The following SNRPD3 variants were observed in gnomAD, a reference collection of about 807,000 sequenced individuals.
The protein encoded by SNRPD3 is small nuclear ribonucleoprotein Sm D3.
For missense variants in SNRPD3, 73 were observed against 167.5 expected (o/e 0.44, Z 3.11); for synonymous variants, 66 against 58.4 (o/e 1.13, Z -0.59).
chr22:24,568,618 C>T (rs913604728), intron 3 of SNRPD3, among the ~76,000 whole-genome samples: 6 of 151,006 alleles, frequency 4.0e-5, no homozygotes, highest in African/African-American at 7.3e-5. Flanking sequence ...AGTGCAGTGG[C>T]GTGATCTCGG....
At chr22:24,569,014 C>T (rs964344750) in intron 3 of SNRPD3, among the ~76,000 whole-genome samples, 39 of 152,240 alleles carry the variant, frequency 2.6e-4, no homozygotes, top group African/African-American at 8.9e-4. Context: ...TGGAGAGGCC[C>T]ATCTTTTCTA....
intron 2 of SNRPD3, among the ~76,000 whole-genome samples, chr22:24,567,221 G>A (rs1323779466): frequency 6.6e-6 from 1 of 152,192 alleles, no homozygotes; most frequent in Non-Finnish European, 1.5e-5. Context: ...GACCTTCATG[G>A]TGCCTTTGAA....
Position 24,563,272 on chromosome 22 carries a change from A to G in SNRPD3, c.127-4712A>G, listed in dbSNP as rs796645558. 7.3e-4 allele frequency among the ~76,000 whole-genome samples: 43 copies of G among 59,116 alleles called. 1 individual carries two copies. The highest frequency in any genetic ancestry group is 2.4e-3 in the African/African-American group (39 of 16,200). 38.8% of individuals were successfully genotyped at this position (59,116 alleles called of 152,430 possible). Reference sequence around the variant, plus strand: ...TGTGTATGTATGTATATATGTATGTATATATATGTGTGTGTGTGTGTATAT... The same window carrying G: ...TGTGTATGTATGTATATATGTATGTGTATATATGTGTGTGTGTGTGTATAT... On this transcript the variant is annotated intron_variant, in intron 2 of 3. Transcript: ENST00000215829.
intron 3 of SNRPD3, 140 bp downstream of exon 3, chr22:24,568,316 T>C: frequency 1.6e-6 from 1 of 614,340 alleles, no homozygotes; most frequent in Non-Finnish European, 2.9e-6. Flanking sequence ...CCCCTTCCCC[T>C]TGCAGCGTGG....
chr22:24,557,381 C>T (rs2298389), intron 1 of SNRPD3, among the ~76,000 whole-genome samples: 141,937 of 152,262 alleles, frequency 0.93, 66,598 homozygotes, highest in Non-Finnish European at 0.99. Flanking sequence ...CATAGGGTAG[C>T]GGGGACACAT....
rs1434075899 is a variant in SNRPD3, at chr22:24,574,329, C to CA, written c.*2353dup. ...AACCTAAAATATGTAGCTTTGTAAACAGTTTTATATCCTGCATCTTAGGGG... is the reference window on the plus strand; with the variant it reads ...AACCTAAAATATGTAGCTTTGTAAACAAGTTTTATATCCTGCATCTTAGGGG... On this transcript the variant is annotated 3_prime_UTR_variant, in exon 4 of 4. Transcript: ENST00000215829. 6.6e-6 allele frequency among the ~76,000 whole-genome samples: 1 copy of CA among 152,144 alleles called. No homozygotes were observed. The highest frequency in any genetic ancestry group is 1.5e-5 in the Non-Finnish European group (1 of 68,026).
intron 2 of SNRPD3, among the ~76,000 whole-genome samples, chr22:24,567,778 C>T (rs933638232): frequency 1.3e-5 from 2 of 151,926 alleles, no homozygotes; most frequent in Non-Finnish European, 1.5e-5. Context: ...CTCATACCCA[C>T]GCTGAAGGTG....
intron 1 of SNRPD3, among the ~76,000 whole-genome samples, chr22:24,557,233 C>T (rs771304341): frequency 3.3e-5 from 5 of 152,000 alleles, no homozygotes; most frequent in African/African-American, 1.2e-4. Context: ...TTGGACAGCT[C>T]GGGCCTGTAT....
chr22:24,569,715 C>T (rs1298597629), intron 3 of SNRPD3, among the ~76,000 whole-genome samples: 3 of 152,214 alleles, frequency 2.0e-5, no homozygotes, highest in East Asian at 1.9e-4. Context: ...AGGGTTCTCA[C>T]GTCTCACTCC....
chr22:24,557,825 G>T (rs1354011318), intron 2 of SNRPD3, 25 bp downstream of exon 2: 1 of 1,593,890 alleles, frequency 6.3e-7, no homozygotes, highest in Non-Finnish European at 8.5e-7. Context: ...ATGTGAGGCT[G>T]TGTGGGAGGA....
chr22:24,558,996 C>A (rs1395558072), intron 2 of SNRPD3, among the ~76,000 whole-genome samples: 11 of 152,162 alleles, frequency 7.2e-5, no homozygotes, highest in Admixed American at 7.2e-4. Flanking sequence ...AATATCCACA[C>A]CCCCAGGACT....
At chr22:24,562,843 A>T (rs1384698197) in intron 2 of SNRPD3, among the ~76,000 whole-genome samples, 5 of 152,236 alleles carry the variant, frequency 3.3e-5, no homozygotes, top group Non-Finnish European at 7.3e-5. Flanking sequence ...CTCTCTGTAC[A>T]TTGAATAAAG....
upstream of SNRPD3, chr22:24,555,953 G>C (rs2045053826): frequency 1.0e-6 from 1 of 990,222 alleles, no homozygotes; most frequent in Admixed American, 2.5e-5. Flanking sequence ...CGGGCCCTGC[G>C]CGCAGCATTT....
At chr22:24,557,607 G>T (rs557832337) in intron 1 of SNRPD3, 50 bp from the exon 2 acceptor site, 6 of 1,406,398 alleles carry the variant, frequency 4.3e-6, no homozygotes, top group Non-Finnish European at 6.0e-6. Flanking sequence ...TGTGCCACAT[G>T]CCTTTTCAGA....
At chr22:24,562,405 G>T (rs1035411633) in intron 2 of SNRPD3, among the ~76,000 whole-genome samples, 1 of 152,070 alleles carries the variant, frequency 6.6e-6, no homozygotes, top group African/African-American at 2.4e-5. Context: ...TTAGCCAGGT[G>T]TGGTGGCGGG....
chr22:24,570,165 A>G (rs1254071770), intron 3 of SNRPD3, among the ~76,000 whole-genome samples: 1 of 152,260 alleles, frequency 6.6e-6, no homozygotes, highest in Non-Finnish European at 1.5e-5. Flanking sequence ...TCCAGGGTAT[A>G]GGGCAGGACC....
At chr22:24,564,646 C>T (rs1196671501) in intron 2 of SNRPD3, among the ~76,000 whole-genome samples, 3 of 152,170 alleles carry the variant, frequency 2.0e-5, no homozygotes, top group Non-Finnish European at 2.9e-5. Flanking sequence ...ACTGGACTCT[C>T]CTGCTTCAGC....
chr22:24,555,920 C>T, upstream of SNRPD3: 1 of 1,325,948 alleles, frequency 7.5e-7, no homozygotes, highest in South Asian at 1.3e-5. Context: ...AGACCGCGCT[C>T]AACACTGGGG....
chr22:24,556,279 C>T (rs1041537292), intron 1 of SNRPD3, among the ~76,000 whole-genome samples: 1 of 152,168 alleles, frequency 6.6e-6, no homozygotes, highest in East Asian at 1.9e-4. Flanking sequence ...CATTCTGTAT[C>T]TCTCCAGGTG....
Sources: allele counts gnomAD v4.1 joint callset (sites outside exome capture counted in the v4.1 genomes callset), GRCh38; gene constraint gnomAD v4.1.1; transcripts MANE v1.5; gene names NCBI Gene and HGNC (gene_info 2026-07-23, HGNC 2026-07-21).